KIAA0825: variants seen among roughly 807,000 people sequenced by gnomAD.
KIAA0825 encodes uncharacterized protein KIAA0825.
Under a neutral mutation model 147.6 loss-of-function variants are expected in KIAA0825, and 119 were observed. That is an observed-to-expected ratio of 0.81 (90% CI 0.69 to 0.94). The LOEUF (loss-of-function observed/expected upper bound fraction) is 0.94. Ranked by LOEUF, KIAA0825 falls within the 40% of genes least tolerant of loss-of-function variation. The pLI, the probability that KIAA0825 is intolerant of heterozygous loss-of-function variation, is 0.00. For synonymous variants in KIAA0825, 470 were observed against 518.1 expected (o/e 0.91, Z 1.26); for missense variants, 1,381 against 1,472.7 (o/e 0.94, Z 1.02).
At chr5:94,158,870 T>G (rs1767284243) in intron 20 of KIAA0825, among the ~76,000 whole-genome samples, 1 of 152,152 alleles carries the variant, frequency 6.6e-6, no homozygotes, top group African/African-American at 2.4e-5. Context: ...CATAAAATAA[T>G]GCCTCGTTTA....
At chr5:94,399,544 T>C (rs2150599833) in intron 16 of KIAA0825, among the ~76,000 whole-genome samples, 1 of 152,212 alleles carries the variant, frequency 6.6e-6, no homozygotes, top group East Asian at 1.9e-4. Context: ...ATTCTACCAA[T>C]CTCAAGGGCT....
chr5:94,602,471 C>G (rs1242969124), intron 1 of KIAA0825, among the ~76,000 whole-genome samples: 1 of 152,060 alleles, frequency 6.6e-6, no homozygotes, highest in African/African-American at 2.4e-5. Context: ...TGGCTGTGTC[C>G]CCATCCAAAT....
intron 20 of KIAA0825, among the ~76,000 whole-genome samples, chr5:94,340,518 T>C (rs1473984452): frequency 4.6e-5 from 7 of 152,220 alleles, no homozygotes; most frequent in Non-Finnish European, 1.0e-4. Context: ...ACGTATTTTA[T>C]ATTTTTCACA....
intron 20 of KIAA0825, among the ~76,000 whole-genome samples, chr5:94,221,799 GTCTT>G (rs904085875): frequency 6.6e-6 from 1 of 152,154 alleles, no homozygotes; most frequent in African/African-American, 2.4e-5. Flanking sequence ...AGAGGTCTCT[GTCTT>G]TATCTCCTTC....
intron 1 of KIAA0825, among the ~76,000 whole-genome samples, chr5:94,601,065 A>G (rs1363968781): frequency 6.6e-6 from 1 of 152,192 alleles, no homozygotes. Context: ...GTACCGCAGC[A>G]CAGCATGGCT....
chr5:94,486,162 T>G (rs1763033923), intron 5 of KIAA0825, among the ~76,000 whole-genome samples: 1 of 151,978 alleles, frequency 6.6e-6, no homozygotes, highest in Admixed American at 6.5e-5. Flanking sequence ...TATTAATGCC[T>G]TTTATTAAAA....
At chr5:94,472,460 A>C (rs1009390342) in intron 8 of KIAA0825, among the ~76,000 whole-genome samples, 8 of 152,152 alleles carry the variant, frequency 5.3e-5, no homozygotes, top group Non-Finnish European at 1.0e-4. Context: ...AGAATATCCC[A>C]ATCGGCCGGG....
At chr5:94,456,996 AG>A (rs1263119316) in intron 12 of KIAA0825, among the ~76,000 whole-genome samples, 2 of 152,206 alleles carry the variant, frequency 1.3e-5, no homozygotes, top group Non-Finnish European at 2.9e-5. Flanking sequence ...CATTTCTGCC[AG>A]TACCTAAACT....
At chr5:94,538,070 G>C (rs569156660) in intron 2 of KIAA0825, among the ~76,000 whole-genome samples, 8 of 152,298 alleles carry the variant, frequency 5.3e-5, no homozygotes, top group African/African-American at 1.9e-4. Flanking sequence ...TATATACACT[G>C]CTGTAGAGGC....
intron 5 of KIAA0825, 58 bp downstream of exon 5, chr5:94,520,190 A>T: frequency 6.9e-7 from 1 of 1,447,334 alleles, no homozygotes; most frequent in Non-Finnish European, 9.1e-7. Flanking sequence ...CATCTTAGAA[A>T]ATTAAACATA....
intron 5 of KIAA0825, among the ~76,000 whole-genome samples, chr5:94,504,478 A>C (rs1291978374): frequency 6.6e-6 from 1 of 152,204 alleles, no homozygotes; most frequent in Non-Finnish European, 1.5e-5. Flanking sequence ...AATTAGGGAA[A>C]TAGTCTGCGC....
At chr5:94,538,398 GA>G (rs1208948427) in intron 2 of KIAA0825, among the ~76,000 whole-genome samples, 1 of 152,202 alleles carries the variant, frequency 6.6e-6, no homozygotes, top group Non-Finnish European at 1.5e-5. Context: ...CTTTGGCCAA[GA>G]AATGACTCTT....
In KIAA0825 at chr5:94,151,274, G is replaced by A. The variant is rs1022672770; in HGVS notation, c.*2733C>T. Among the ~76,000 whole-genome samples, 5 of 150,706 alleles carry A rather than the reference G, an allele frequency of 3.3e-5. No homozygotes were observed. Among genetic ancestry groups the A allele is most frequent in the Non-Finnish European group, 7.4e-5 (5 of 67,618 alleles). ...CTACTAAAAATACAAAAAAGTAGCC[G>A]GGCGCGGTGGCGGGCGCCTGTAGTC... On this transcript the variant is annotated 3_prime_UTR_variant, in exon 21 of 21. Transcript: ENST00000682413.
At chr5:94,325,388 AAC>A (rs1780588549) in intron 20 of KIAA0825, among the ~76,000 whole-genome samples, 1 of 151,944 alleles carries the variant, frequency 6.6e-6, no homozygotes, top group Non-Finnish European at 1.5e-5. Flanking sequence ...ATGGCTAGAA[AAC>A]ACAATTGAAA....
At chr5:94,529,360 A>C (rs879920439) in intron 3 of KIAA0825, among the ~76,000 whole-genome samples, 22 of 144,566 alleles carry the variant, frequency 1.5e-4, no homozygotes, top group Admixed American at 3.5e-4. Context: ...ATATGTATAT[A>C]TCATATATGT....
rs962336286 is a variant in KIAA0825, at chr5:94,209,964, G to A, written c.3711-55840C>T. 1.8e-4 allele frequency among the ~76,000 whole-genome samples: 28 copies of A among 152,102 alleles called. 1 individual carries two copies. Among genetic ancestry groups the A allele is most frequent in the African/African-American group, 9.7e-5 (4 of 41,408 alleles). On this transcript the variant is annotated intron_variant, in intron 20 of 20. Transcript: ENST00000682413. ...TCTTTGCCCATCACAGTCTTCCTTC[G>A]CAGAGCCCCACAGTATGCAGCCACT... is the stretch of plus-strand genomic sequence containing the variant.
intron 19 of KIAA0825, among the ~76,000 whole-genome samples, chr5:94,384,914 G>A (rs77065211): frequency 1.4e-3 from 217 of 152,244 alleles, no homozygotes; most frequent in African/African-American, 4.9e-3. Context: ...ATTAGAGTGT[G>A]ATATTAATGT....
At chr5:94,549,639 G>A (rs1399352564) in intron 2 of KIAA0825, among the ~76,000 whole-genome samples, 1 of 152,134 alleles carries the variant, frequency 6.6e-6, no homozygotes, top group African/African-American at 2.4e-5. Flanking sequence ...CTTGAACCCA[G>A]GAGGCAGAGG....
At chr5:94,554,715 A>AATATAT (rs1561307328) in intron 2 of KIAA0825, among the ~76,000 whole-genome samples, 28 of 75,358 alleles carry the variant, frequency 3.7e-4, no homozygotes, top group Admixed American at 6.7e-4. Context: ...TGTTCTGTGT[A>AATATAT]CTATATATAT....
Sources: gnomAD v4.1 joint callset for allele counts (sites outside exome capture counted in the v4.1 genomes callset) on GRCh38, gnomAD v4.1.1 for gene constraint, MANE v1.5 for transcripts, NCBI Gene and HGNC (gene_info 2026-07-23, HGNC 2026-07-21) for gene names.